Variants in APH1A observed in about 807,000 individuals in gnomAD.
The protein encoded by APH1A is gamma-secretase subunit APH-1A.
In APH1A, 16 loss-of-function variants were observed where a neutral mutation model predicts 30.3. The observed-to-expected ratio is 0.53, with a 90% CI of 0.36 to 0.80. APH1A has a LOEUF of 0.80. APH1A is among the 30% of genes least tolerant of loss of function. The probability of loss-of-function intolerance (pLI) is 0.01; values close to 1 mark genes in which losing one functional copy is unlikely to be tolerated. For synonymous variants in APH1A, 144 were observed against 140.1 expected (o/e 1.03, Z -0.20); for missense variants, 245 against 337.8 (o/e 0.73, Z 2.15).
At chr1:150,268,599 C>T in intron 1 of APH1A, 99 bp downstream of exon 1, 2 of 1,213,398 alleles carry the variant, frequency 1.6e-6, no homozygotes, top group Non-Finnish European at 2.3e-6. Context: ...TCCGACTTAT[C>T]GTCCCCAATT....
chr1:150,266,490 G>A, intron 6 of APH1A, 43 bp downstream of exon 6: 2 of 1,612,916 alleles, frequency 1.2e-6, no homozygotes, highest in Non-Finnish European at 1.7e-6. Context: ...TGGACAGGCA[G>A]GTGGGATCTG....
At chr1:150,267,047 C>A in intron 5 of APH1A, 28 bp downstream of exon 5, 2 of 1,613,374 alleles carry the variant, frequency 1.2e-6, no homozygotes, top group South Asian at 2.2e-5. Context: ...GCTTTTCTCC[C>A]TAACTCAGGC....
chr1:150,268,939 G>A lies in APH1A; in HGVS notation c.-129C>T, dbSNP rs782130894. 35 of 731,440 alleles carry A rather than the reference G, an allele frequency of 4.8e-5. No homozygotes were observed. The highest frequency in any genetic ancestry group is 8.6e-5 in the Admixed American group (3 of 35,044). 45.3% of individuals were successfully genotyped at this position (731,440 alleles called of 1,614,324 possible). Reference sequence around the variant, plus strand: ...GGGGCGCGGTGCAATGTCACCCCCAGACCCCGGGGAAGGGGAAGGGGGGGA... The same window carrying A: ...GGGGCGCGGTGCAATGTCACCCCCAAACCCCGGGGAAGGGGAAGGGGGGGA... On this transcript the variant is annotated 5_prime_UTR_variant, in exon 1 of 7. Transcript: ENST00000369109.
chr1:150,268,625 GC>G, intron 1 of APH1A, 72 bp downstream of exon 1: 1 of 1,442,970 alleles, frequency 6.9e-7, no homozygotes, highest in Non-Finnish European at 9.5e-7. Context: ...TCCCAGGCTT[GC>G]CCCAGTTCCT....
At chr1:150,268,657 CTCTT>C in intron 1 of APH1A, 37 bp downstream of exon 1, 2 of 1,572,244 alleles carry the variant, frequency 1.3e-6, no homozygotes, top group Non-Finnish European at 1.7e-6. Flanking sequence ...CCGCACCTCT[CTCTT>C]CGACGCTCTC....
At position 150,266,196 on chromosome 1, in the gene APH1A, T is replaced by C; in HGVS notation, c.734-2A>G. On this transcript the variant is annotated splice_acceptor_variant, in intron 6 of 6. Transcript: ENST00000369109. LOFTEE classifies it high-confidence loss of function. ...CCCGACTGTCCTCCTGCCGTCGGCC[T>C]GCAGAGGGGAAGGGAGGTGAGTCTT... 1 of 1,598,938 alleles carries C rather than the reference T, an allele frequency of 6.3e-7. No homozygotes were observed. Among genetic ancestry groups the C allele is most frequent in the Non-Finnish European group, 8.5e-7 (1 of 1,172,780 alleles).
Position 150,268,834 on chromosome 1 carries a change from T to G in APH1A, c.-24A>C, listed in dbSNP as rs781967022. ...ATGGCTGGTCAGGTGGGAAGGGGGGTGGGGGCCTGACCAGGACAGGCAAAT... is the reference window on the plus strand; with the variant it reads ...ATGGCTGGTCAGGTGGGAAGGGGGGGGGGGGCCTGACCAGGACAGGCAAAT... On this transcript the variant is annotated 5_prime_UTR_variant, in exon 1 of 7. Coordinates refer to ENST00000369109, the MANE Select transcript of APH1A (RefSeq NM_001077628.3). The G allele has an allele frequency of 2.5e-5, 39 of 1,586,914 alleles. No individual in the cohort carries two copies. The Admixed American group carries it at 4.4e-4, about 18-fold the overall frequency.
chr1:150,268,792 A>C lies in APH1A; in HGVS notation c.19T>G (p.Phe7Val), dbSNP rs1651979567. Residue 7 changes from phenylalanine (F) to valine (V), a missense_variant, in exon 1 of 7, where the codon TTC (phenylalanine) becomes GTC (valine). Phe to Val is a conservative substitution (Grantham distance 50). Coordinates refer to ENST00000369109, the MANE Select transcript of APH1A (RefSeq NM_001077628.3). The part of the protein sequence containing the change: MGAAVF[F>V]GCTFVAFGPA... ...CCGAACGCGACGAAAGTGCAGCCGA[A>C]AAACACCGCAGCCCCCATGGCTGGT... The C allele has an allele frequency of 1.9e-6, 3 of 1,613,588 alleles. No homozygotes were observed. Among genetic ancestry groups the C allele is most frequent in the Admixed American group, 3.3e-5 (2 of 59,968 alleles).
At position 150,267,180 on chromosome 1, in the gene APH1A, G is replaced by T. The variant is rs1651796165; in HGVS notation, c.504C>A (p.Ile168=). ...LTSAFLTAAI[I]LLHTFWGVVF... is the part of the protein sequence containing the mutation. ...CAACTCCCCAAAAGGTATGGAGCAG[G>T]ATAATGGCTGCTGTCAGAAAGGCTG... The change falls in exon 5 of 7, where the codon ATC becomes ATA. Residue 168 remains isoleucine, a synonymous_variant. Coordinates refer to ENST00000369109, the MANE Select transcript of APH1A (RefSeq NM_001077628.3). 1.2e-6 allele frequency: 2 copies of T among 1,614,064 alleles called. No individual in the cohort carries two copies. Among genetic ancestry groups the T allele is most frequent in the Admixed American group, 1.7e-5 (1 of 60,006 alleles).
Position 150,268,841 on chromosome 1 carries a change from C to G in APH1A, c.-31G>C, listed in dbSNP as rs1572091333. On this transcript the variant is annotated 5_prime_UTR_variant, in exon 1 of 7. Coordinates refer to ENST00000369109, the MANE Select transcript of APH1A (RefSeq NM_001077628.3). ...GTCAGGTGGGAAGGGGGGTGGGGGC[C>G]TGACCAGGACAGGCAAATGGGAGGG... The G allele has an allele frequency of 6.3e-7, 1 of 1,588,092 alleles. No homozygotes were observed. The highest frequency in any genetic ancestry group is 8.6e-7 in the Non-Finnish European group (1 of 1,165,422).
chr1:150,268,962 G>A lies in APH1A; in HGVS notation c.-152C>T. The A allele has an allele frequency of 1.6e-6, 1 of 631,764 alleles. No individual in the cohort carries two copies. Among genetic ancestry groups the A allele is most frequent in the South Asian group, 1.9e-5 (1 of 51,422 alleles). 39.1% of individuals were successfully genotyped at this position (631,764 alleles called of 1,614,324 possible). A position where few individuals can be genotyped will look rare whatever the true frequency, so the allele number is the denominator to read the frequency against. Reference sequence around the variant, plus strand: ...CAGACCCCGGGGAAGGGGAAGGGGGGGAACCGAAACCCCAAATGAAGGTCC... The same window carrying A: ...CAGACCCCGGGGAAGGGGAAGGGGGAGAACCGAAACCCCAAATGAAGGTCC... On this transcript the variant is annotated 5_prime_UTR_variant, in exon 1 of 7. Transcript: ENST00000369109.
chr1:150,267,845 T>C (rs1403224503), intron 2 of APH1A, 56 bp from the exon 3 acceptor site: 2 of 1,612,562 alleles, frequency 1.2e-6, no homozygotes, highest in East Asian at 2.2e-5. Context: ...CTCCTTTCCC[T>C]CTAATGTCCT....
chr1:150,266,208 G>A lies in APH1A; in HGVS notation c.734-14C>T. On this transcript the variant is annotated splice_polypyrimidine_tract_variant and intron_variant, in intron 6 of 6. Transcript: ENST00000369109. Reference sequence around the variant, plus strand: ...CCTGCCGTCGGCCTGCAGAGGGGAAGGGAGGTGAGTCTTGGGCAGGGTGAG... The same window carrying A: ...CCTGCCGTCGGCCTGCAGAGGGGAAAGGAGGTGAGTCTTGGGCAGGGTGAG... 1 of 1,593,380 alleles carries A rather than the reference G, an allele frequency of 6.3e-7. No homozygotes were observed. Among genetic ancestry groups the A allele is most frequent in the Non-Finnish European group, 8.5e-7 (1 of 1,169,938 alleles).
In APH1A at chr1:150,267,133, C is replaced by T; in HGVS notation, c.551G>A (p.Arg184Lys). The change falls in exon 5 of 7, where the codon AGG becomes AAG. Residue 184 changes from arginine to lysine, a missense_variant. By Grantham distance (26) the Arg-to-Lys change is conservative. Coordinates refer to ENST00000369109, the MANE Select transcript of APH1A (RefSeq NM_001077628.3). ...CAGGCCCAAAGCCCAGTACCGTCTC[C>T]TCTCACAGGCATCAAAGAACACAAC... ...WGVVFFDACE[R>K]RRYWALGLVV... 4 of 1,614,212 alleles carry T rather than the reference C, an allele frequency of 2.5e-6. No homozygotes were observed. Among genetic ancestry groups the T allele is most frequent in the Middle Eastern group, 1.6e-4 (1 of 6,062 alleles).
chr1:150,268,127 C>T lies in APH1A; in HGVS notation c.114G>A (p.Gly38=), dbSNP rs1458510143. Residue 38 remains glycine, a splice_region_variant and synonymous_variant, in exon 2 of 7, where the codon GGG becomes GGA. Transcript: ENST00000369109. ...GCAGGGAGACCAGCCAGAAAAATGCCCTGAGAAAAGACAGGGGCAGTGAGA... is the reference window on the plus strand; with the variant it reads ...GCAGGGAGACCAGCCAGAAAAATGCTCTGAGAAAAGACAGGGGCAGTGAGA... The part of the protein sequence containing the change: ...DPLRVIILVA[G]AFFWLVSLLL... The T allele has an allele frequency of 1.9e-6, 3 of 1,613,274 alleles. No homozygotes were observed. Among genetic ancestry groups the T allele is most frequent in the Non-Finnish European group, 1.7e-6 (2 of 1,179,764 alleles).
intron 1 of APH1A, chr1:150,268,393 T>C (rs1553850400): frequency 6.7e-6 from 4 of 594,918 alleles, no homozygotes; most frequent in Non-Finnish European, 1.2e-5. Context: ...TATCCGTTCC[T>C]GGATCCTCCC....
chr1:150,267,052 T>G, intron 5 of APH1A, 23 bp downstream of exon 5: 1 of 1,613,672 alleles, frequency 6.2e-7, no homozygotes. Context: ...TCTCCCTAAC[T>G]CAGGCCCCTG....
chr1:150,268,944 CGGGGAA>C lies in APH1A; in HGVS notation c.-140_-135del, dbSNP rs1652006341. ...GCGGTGCAATGTCACCCCCAGACCC[CGGGGAA>C]GGGGAAGGGGGGGAACCGAAACCCC... On this transcript the variant is annotated 5_prime_UTR_variant, in exon 1 of 7. Transcript: ENST00000369109. 2 of 700,356 alleles carry C rather than the reference CGGGGAA, an allele frequency of 2.9e-6. No homozygotes were observed. The highest frequency in any genetic ancestry group is 1.8e-5 in the South Asian group (1 of 54,540). The allele number at this position is 700,356 out of a possible 1,614,324, so 43.4% of individuals were successfully genotyped here. A position where few individuals can be genotyped will look rare whatever the true frequency, so the allele number is the denominator to read the frequency against.
Position 150,267,988 on chromosome 1 carries a change from C to T in APH1A, c.253G>A (p.Val85Met), listed in dbSNP as rs782675679. The stretch of plus-strand genomic sequence containing the variant: ...AGCTTGTAGTAGGCAAAGCGGAACA[C>T]CTCCTGTAGAAGGACAGAGACAGCA... ...GAAVSVLLQE[V>M]FRFAYYKLLK... Residue 85 changes from valine to methionine, a missense_variant, in exon 2 of 7, where the codon GTG becomes ATG. Coordinates refer to ENST00000369109, the MANE Select transcript of APH1A (RefSeq NM_001077628.3). 1.6e-5 allele frequency: 26 copies of T among 1,614,052 alleles called. No homozygotes were observed. The highest frequency in any genetic ancestry group is 1.6e-4 in the Middle Eastern group (1 of 6,084).
Sources: gnomAD v4.1 joint callset for allele counts on GRCh38, gnomAD v4.1.1 for gene constraint, MANE v1.5 for transcripts, NCBI Gene and HGNC (gene_info 2026-07-23, HGNC 2026-07-21) for gene names.